The following CENPF variants were observed in gnomAD, a reference collection of about 807,000 sequenced individuals.
CENPF encodes AH antigen.
A neutral mutation model predicts 307.3 loss-of-function variants in CENPF; 214 were observed. That is an observed-to-expected ratio of 0.70 (90% CI 0.62 to 0.78). The LOEUF (loss-of-function observed/expected upper bound fraction) is 0.78. CENPF is among the 30% of genes least tolerant of loss of function. The pLI, the probability that CENPF is intolerant of heterozygous loss-of-function variation, is 0.00. For missense variants in CENPF, 3,401 were observed against 3,483.9 expected, an observed-to-expected ratio of 0.98 and a Z score of 0.60; for synonymous variants, 1,259 against 1,270.6, an observed-to-expected ratio of 0.99 and a Z score of 0.19.
In CENPF at chr1:214,620,513, A is replaced by C. The variant is rs150232732; in HGVS notation, c.574-142A>C. On this transcript the variant is annotated intron_variant, in intron 5 of 19. Transcript: ENST00000366955. ...TCACTGGGTATTAGACTTATGGTTT[A>C]CTTGACTTGATGAATGTTCTTTGTT... is the stretch of plus-strand genomic sequence containing the variant. 3.3e-4 allele frequency: 276 copies of C among 828,394 alleles called. 4 individuals carry two copies. In the African/African-American group the frequency reaches 4.5e-3, roughly 14 times the overall value. The allele number at this position is 828,394 out of a possible 1,614,324, so 51.3% of individuals were successfully genotyped here.
chr1:214,623,617 T>G (rs80085506), intron 7 of CENPF, among the ~76,000 whole-genome samples: 6,082 of 152,196 alleles, frequency 0.04, 204 homozygotes, highest in East Asian at 0.12. Flanking sequence ...TTTCTTCTCT[T>G]TTTTCTATTA....
At chr1:214,630,296 T>G (rs1186212866) in intron 8 of CENPF, among the ~76,000 whole-genome samples, 2 of 152,176 alleles carry the variant, frequency 1.3e-5, no homozygotes, top group East Asian at 1.9e-4. Context: ...ACAGGCTACT[T>G]TCCATGTGGT....
At chr1:214,648,159 G>C (rs1274394541) in intron 13 of CENPF, among the ~76,000 whole-genome samples, 1 of 152,068 alleles carries the variant, frequency 6.6e-6, no homozygotes, top group Non-Finnish European at 1.5e-5. Flanking sequence ...AGAATTTTGG[G>C]GTTTTGGATA....
At chr1:214,629,227 A>T in intron 8 of CENPF, 56 bp downstream of exon 8, 1 of 1,479,452 alleles carries the variant, frequency 6.8e-7, no homozygotes, top group Non-Finnish European at 9.0e-7. Flanking sequence ...TGGGCTTTTC[A>T]TAGTTTGATC....
At chr1:214,605,785 C>T in intron 1 of CENPF, 1 of 1,592,014 alleles carries the variant, frequency 6.3e-7, no homozygotes, top group Non-Finnish European at 8.5e-7. Context: ...ACAGCGGCTC[C>T]ACCGCCTTGG....
chr1:214,660,019 A>C (rs569438797), intron 19 of CENPF, among the ~76,000 whole-genome samples: 1 of 152,240 alleles, frequency 6.6e-6, no homozygotes, highest in Non-Finnish European at 1.5e-5. Context: ...GTGATAATTC[A>C]TAAGTGAGCA....
rs1571715952 is a variant in CENPF at position 214,642,130 on chromosome 1, T to C, written c.3792T>C (p.Cys1264=). 2.5e-6 allele frequency: 4 copies of C among 1,613,796 alleles called. No individual in the cohort carries two copies. Among genetic ancestry groups the C allele is most frequent in the Non-Finnish European group, 3.4e-6 (4 of 1,179,928 alleles). The change falls in exon 12 of 20, where the codon TGT becomes TGC. Residue 1264 remains cysteine, a synonymous_variant. Transcript: ENST00000366955. The stretch of plus-strand genomic sequence containing the variant: ...AAGAAATTAGTGGCCTTAAAGACTG[T>C]GAAATAGATGCGGAAGAAAAGTATA... ...QSQEISGLKD[C]EIDAEEKYIS...
rs1658126107 is a variant in CENPF, at chr1:214,641,846, G to A, written c.3508G>A (p.Glu1170Lys). Reference sequence around the variant, plus strand: ...GACTAAACATGAATGTCAAAATCTAGAATCAGAACCAATTAGGAACTCTGT... The same window carrying A: ...GACTAAACATGAATGTCAAAATCTAAAATCAGAACCAATTAGGAACTCTGT... ...MKTKHECQNL[E>K]SEPIRNSVKE... Residue 1170 changes from glutamate (E) to lysine (K), a missense_variant, in exon 12 of 20, where the codon GAA (glutamate) becomes AAA (lysine). Coordinates refer to ENST00000366955, the MANE Select transcript of CENPF (RefSeq NM_016343.4). 6.2e-7 allele frequency: 1 copy of A among 1,609,440 alleles called. No individual in the cohort carries two copies. The highest frequency in any genetic ancestry group is 8.5e-7 in the Non-Finnish European group (1 of 1,179,026).
At position 214,632,510 on chromosome 1, in the gene CENPF, A is replaced by G; in HGVS notation, c.1354A>G (p.Asn452Asp). 1 of 1,613,956 alleles carries G rather than the reference A, an allele frequency of 6.2e-7. No homozygotes were observed. Among genetic ancestry groups the G allele is most frequent in the Non-Finnish European group, 8.5e-7 (1 of 1,179,912 alleles). Residue 452 changes from asparagine to aspartate, a missense_variant, in exon 10 of 20, where the codon AAT becomes GAT. By Grantham distance (23) the Asn-to-Asp change is conservative (BLOSUM62 1). Transcript: ENST00000366955. ...LTSVKQQLEN[N>D]LEEFKQKLCR... is the part of the protein sequence containing the mutation. ...ATCAGTAAAGCAACAGCTAGAAAAC[A>G]ATTTGGAAGAGTTTAAGCAAAAGTT...
At position 214,646,176 on chromosome 1, in the gene CENPF, A is replaced by G; in HGVS notation, c.6606A>G (p.Glu2202=). ...EEMARSLKVF[E]LDLVTLRSEK... is the part of the protein sequence containing the mutation. The stretch of plus-strand genomic sequence containing the variant: ...TGGCCAGAAGCCTGAAAGTTTTTGA[A>G]TTAGACCTTGTCACGTTAAGGTCTG... The change falls in exon 13 of 20, where the codon GAA becomes GAG. Residue 2202 remains glutamate, a synonymous_variant. Transcript: ENST00000366955. 2 of 1,613,476 alleles carry G rather than the reference A, an allele frequency of 1.2e-6. No homozygotes were observed. The highest frequency in any genetic ancestry group is 1.1e-5 in the South Asian group (1 of 90,984).
In CENPF at chr1:214,644,799, A is replaced by T. The variant is rs1257942881; in HGVS notation, c.5229A>T (p.Ser1743=). 2 of 1,613,896 alleles carry T rather than the reference A, an allele frequency of 1.2e-6. No individual in the cohort carries two copies. Among genetic ancestry groups the T allele is most frequent in the East Asian group, 4.5e-5 (2 of 44,870 alleles). ...GGGAAGATAAAACCCAGGGCTCTTC[A>T]GAATGCATTTCTGAATTGTCATTTT... is the stretch of plus-strand genomic sequence containing the variant. ...PPGEDKTQGS[S]ECISELSFSG... is the part of the protein sequence containing the mutation. Residue 1743 remains serine (S), a synonymous_variant, in exon 13 of 20, where the codon TCA becomes TCT. Transcript: ENST00000366955.
At chr1:214,631,244 C>T (rs531485702) in intron 9 of CENPF, among the ~76,000 whole-genome samples, 5 of 152,284 alleles carry the variant, frequency 3.3e-5, no homozygotes, top group East Asian at 3.9e-4. Context: ...TTCCATTCCC[C>T]GCATTGCTGG....
At chr1:214,608,800 C>T in intron 1 of CENPF, 6 of 1,599,518 alleles carry the variant, frequency 3.8e-6, no homozygotes, top group Non-Finnish European at 5.1e-6. Context: ...GGGCGGGCAG[C>T]AGAAGAGGCA....
At chr1:214,609,301 A>C (rs777735867) in intron 1 of CENPF, among the ~76,000 whole-genome samples, 2 of 152,206 alleles carry the variant, frequency 1.3e-5, no homozygotes, top group African/African-American at 4.8e-5. Flanking sequence ...CAGTGATTCT[A>C]GTACTAATAC....
At chr1:214,625,327 G>A (rs1657623451) in intron 7 of CENPF, among the ~76,000 whole-genome samples, 1 of 152,006 alleles carries the variant, frequency 6.6e-6, no homozygotes, top group Non-Finnish European at 1.5e-5. Flanking sequence ...TGATTCTCCT[G>A]CCTCATCCTC....
intron 1 of CENPF, among the ~76,000 whole-genome samples, chr1:214,604,824 G>A (rs1656980193): frequency 6.6e-6 from 1 of 152,080 alleles, no homozygotes; most frequent in African/African-American, 2.4e-5. Context: ...ACAAGATGCT[G>A]TGTTCCAAGA....
chr1:214,644,626 C>A lies in CENPF; in HGVS notation c.5056C>A (p.Pro1686Thr). 6.2e-7 allele frequency: 1 copy of A among 1,613,702 alleles called. No homozygotes were observed. The change falls in exon 13 of 20, where the codon CCA becomes ACA. Residue 1686 changes from proline to threonine, a missense_variant. Coordinates refer to ENST00000366955, the MANE Select transcript of CENPF (RefSeq NM_016343.4). Reference protein sequence around the residue: ...EHTSETTERTPKHDVHQICDK... With the variant: ...EHTSETTERTTKHDVHQICDK... Reference sequence around the variant, plus strand: ...TACTTCAGAAACTACAGAAAGAACACCAAAGCATGATGTTCATCAGATTTG... The same window carrying A: ...TACTTCAGAAACTACAGAAAGAACAACAAAGCATGATGTTCATCAGATTTG...
chr1:214,620,130 G>C (rs2102537554), intron 5 of CENPF, among the ~76,000 whole-genome samples: 1 of 152,304 alleles, frequency 6.6e-6, no homozygotes, highest in African/African-American at 2.4e-5. Context: ...GAGAAGCATA[G>C]AAAGAACAAT....
rs778945386 is a variant in CENPF, at chr1:214,640,800, G to A, written c.2462G>A (p.Ser821Asn). The change falls in exon 12 of 20, where the codon AGT becomes AAT. Residue 821 changes from serine to asparagine, a missense_variant. Transcript: ENST00000366955. ...RSECRLEADQSPKNSAILQNR... is the reference protein window; with the variant it reads ...RSECRLEADQNPKNSAILQNR... The stretch of plus-strand genomic sequence containing the variant: ...GAATGTCGTTTAGAAGCAGACCAAA[G>A]TCCGAAAAATTCTGCCATCCTACAA... 8 of 1,606,798 alleles carry A rather than the reference G, an allele frequency of 5.0e-6. No individual in the cohort carries two copies. In the East Asian group the frequency reaches 1.8e-4, roughly 36 times the overall value.
Sources: gnomAD v4.1 joint callset for allele counts (sites outside exome capture counted in the v4.1 genomes callset) on GRCh38, gnomAD v4.1.1 for gene constraint, MANE v1.5 for transcripts, NCBI Gene and HGNC (gene_info 2026-07-23, HGNC 2026-07-21) for gene names.